Variants in EYS observed in about 807,000 individuals in gnomAD.
The protein encoded by EYS is protein eyes shut homolog.
Under a neutral mutation model 282.1 loss-of-function variants are expected in EYS, and 250 were observed. That is an observed-to-expected ratio of 0.89 (90% CI 0.80 to 0.98). EYS has a LOEUF of 0.98. Ranked by LOEUF, EYS falls within the 50% of genes least tolerant of loss-of-function variation. The probability of loss-of-function intolerance (pLI) is 0.00; values close to 1 mark genes in which losing one functional copy is unlikely to be tolerated. For missense variants in EYS, 4,016 were observed against 3,709.0 expected (o/e 1.08, Z -2.15); for synonymous variants, 1,355 against 1,282.9 (o/e 1.06, Z -1.20).
In EYS at chr6:65,269,978, T is replaced by G. The variant is rs555010420; in HGVS notation, c.2023+25885A>C. The stretch of plus-strand genomic sequence containing the variant: ...TCTCACATGCAAAATATATTCAACT[T>G]AACAGCCCCAAAAGTTAACTTACAC... On this transcript the variant is annotated intron_variant, in intron 12 of 42. Transcript: ENST00000503581. Among the ~76,000 whole-genome samples the G allele has an allele frequency of 2.0e-5, 3 of 152,194 alleles. No homozygotes were observed. The South Asian group carries it at 6.2e-4, about 32-fold the overall frequency.
chr6:63,998,724 TC>T (rs1190847193), intron 34 of EYS, among the ~76,000 whole-genome samples: 3 of 151,590 alleles, frequency 2.0e-5, no homozygotes, highest in African/African-American at 7.3e-5. Context: ...TACTATCATA[TC>T]CTATAAAAAC....
At chr6:63,892,289 A>G (rs1773428465) in intron 35 of EYS, among the ~76,000 whole-genome samples, 1 of 152,228 alleles carries the variant, frequency 6.6e-6, no homozygotes, top group South Asian at 2.1e-4. Context: ...CTAAGCCAAA[A>G]GAACAAAGCT....
At chr6:65,671,187 G>A (rs1246120851) in intron 1 of EYS, among the ~76,000 whole-genome samples, 1 of 151,026 alleles carries the variant, frequency 6.6e-6, no homozygotes, top group Non-Finnish European at 1.5e-5. Context: ...AATGCCAGAT[G>A]GTAGTATGAT....
At chr6:65,699,436 A>AC (rs1006967385) in intron 1 of EYS, among the ~76,000 whole-genome samples, 2 of 152,190 alleles carry the variant, frequency 1.3e-5, no homozygotes, top group Non-Finnish European at 2.9e-5. Flanking sequence ...ACAAAACAAA[A>AC]AAAAAAGAAC....
At chr6:63,767,978 G>A (rs1282952428) in intron 40 of EYS, among the ~76,000 whole-genome samples, 1 of 152,084 alleles carries the variant, frequency 6.6e-6, no homozygotes, top group East Asian at 1.9e-4. Context: ...CTGGGGAAAG[G>A]GCTTCCTATT....
chr6:65,453,632 T>C (rs950584568), intron 5 of EYS, among the ~76,000 whole-genome samples: 1 of 152,030 alleles, frequency 6.6e-6, no homozygotes, highest in Non-Finnish European at 1.5e-5. Context: ...TTATTCTTTC[T>C]ATCTAATTGT....
chr6:64,198,276 G>C (rs535471584), intron 31 of EYS, among the ~76,000 whole-genome samples: 2 of 151,994 alleles, frequency 1.3e-5, no homozygotes, highest in South Asian at 4.2e-4. Context: ...CAAAGGGCTG[G>C]GGTTACAGGT....
chr6:64,777,677 T>C (rs1422479976), intron 22 of EYS, among the ~76,000 whole-genome samples: 2 of 152,148 alleles, frequency 1.3e-5, no homozygotes, highest in African/African-American at 4.8e-5. Flanking sequence ...TGTAATAAAA[T>C]GTTTGCAAAT....
chr6:65,159,615 C>A (rs1008254956), intron 12 of EYS, among the ~76,000 whole-genome samples: 1 of 150,720 alleles, frequency 6.6e-6, no homozygotes, highest in Non-Finnish European at 1.5e-5. Flanking sequence ...CCAGATAAGT[C>A]AAATTACTTC....
chr6:64,642,635 T>G (rs184246376), intron 22 of EYS, among the ~76,000 whole-genome samples: 30 of 152,322 alleles, frequency 2.0e-4, no homozygotes, highest in Non-Finnish European at 3.1e-4. Flanking sequence ...TGAGGAAAAC[T>G]TACATTCAAT....
At chr6:64,632,019 A>C (rs1396087059) in intron 22 of EYS, among the ~76,000 whole-genome samples, 1 of 151,670 alleles carries the variant, frequency 6.6e-6, no homozygotes, top group Non-Finnish European at 1.5e-5. Context: ...CTTTGATAAT[A>C]TAATTGATAG....
intron 12 of EYS, among the ~76,000 whole-genome samples, chr6:65,251,643 T>G (rs1039044481): frequency 1.3e-5 from 2 of 151,948 alleles, no homozygotes; most frequent in African/African-American, 4.8e-5. Context: ...GAGGACTGAC[T>G]CAAGCAAACA....
chr6:65,314,034 A>G (rs1187108514), intron 11 of EYS, among the ~76,000 whole-genome samples: 1 of 152,070 alleles, frequency 6.6e-6, no homozygotes, highest in Non-Finnish European at 1.5e-5. Context: ...TTTTCACAGA[A>G]GCCAAACATT....
intron 1 of EYS, among the ~76,000 whole-genome samples, chr6:65,703,784 A>G (rs933071620): frequency 6.6e-6 from 1 of 152,124 alleles, no homozygotes; most frequent in Non-Finnish European, 1.5e-5. Context: ...GATATTTGGG[A>G]CATCTAATGA....
intron 19 of EYS, among the ~76,000 whole-genome samples, chr6:64,838,161 G>A (rs1191673733): frequency 6.6e-6 from 1 of 151,658 alleles, no homozygotes; most frequent in Non-Finnish European, 1.5e-5. Flanking sequence ...GTGTTTCTGT[G>A]CCATTTAGTT....
intron 5 of EYS, among the ~76,000 whole-genome samples, chr6:65,463,158 T>G (rs1341952939): frequency 6.6e-6 from 1 of 152,078 alleles, no homozygotes; most frequent in Non-Finnish European, 1.5e-5. Flanking sequence ...AATTAAAGTC[T>G]TTCAGATGGT....
chr6:64,391,731 A>C (rs1322009362), intron 28 of EYS, among the ~76,000 whole-genome samples: 3 of 152,048 alleles, frequency 2.0e-5, no homozygotes, highest in Admixed American at 1.3e-4. Flanking sequence ...CGAGCAAAAT[A>C]ACCAGCTAAC....
intron 2 of EYS, among the ~76,000 whole-genome samples, chr6:65,548,818 T>C (rs1768491126): frequency 6.6e-6 from 1 of 152,200 alleles, no homozygotes; most frequent in Admixed American, 6.5e-5. Flanking sequence ...CAACTCAAAC[T>C]TGCTCAAAGA....
chr6:65,465,067 TAGTCTACTGCGTTAATAAGA>T (rs1257066430), intron 5 of EYS, among the ~76,000 whole-genome samples: 1 of 152,146 alleles, frequency 6.6e-6, no homozygotes, highest in Non-Finnish European at 1.5e-5. Flanking sequence ...ATTTAGATAA[TAGTCTACTGCGTTAATAAGA>T]AAAACCTTTT....
Sources: gnomAD v4.1 joint callset for allele counts (sites outside exome capture counted in the v4.1 genomes callset) on GRCh38, gnomAD v4.1.1 for gene constraint, MANE v1.5 for transcripts, NCBI Gene and HGNC (gene_info 2026-07-23, HGNC 2026-07-21) for gene names.